Variants in TSHR observed in about 807,000 individuals in gnomAD.
The protein encoded by TSHR is thyroid stimulating hormone receptor, also known as thyrotropin receptor.
In TSHR, 51 loss-of-function variants were observed where a neutral mutation model predicts 64.1. The observed-to-expected ratio is 0.80, with a 90% CI of 0.64 to 1.01. The LOEUF is 1.01. Ranked by LOEUF, TSHR falls within the 50% of genes least tolerant of loss-of-function variation. The pLI is 0.00. For synonymous variants in TSHR, 361 were observed against 361.9 expected (o/e 1.00, Z 0.03); for missense variants, 877 against 942.8 (o/e 0.93, Z 0.91).
At chr14:81,088,525 T>TA (rs1566805388) in intron 4 of TSHR, among the ~76,000 whole-genome samples, 2 of 152,244 alleles carry the variant, frequency 1.3e-5, no homozygotes, top group Admixed American at 6.5e-5. Flanking sequence ...AAACACCTTA[T>TA]GAGCTAACCA....
chr14:81,109,593 A>G (rs1890135699), intron 8 of TSHR, among the ~76,000 whole-genome samples: 1 of 152,196 alleles, frequency 6.6e-6, no homozygotes, highest in South Asian at 2.1e-4. Flanking sequence ...ACTGTCCCTC[A>G]GGTGTCAGGT....
intron 7 of TSHR, 121 bp downstream of exon 7, chr14:81,096,828 A>G (rs1423297290): frequency 8.9e-7 from 1 of 1,123,584 alleles, no homozygotes. Flanking sequence ...AGTTAGTGTG[A>G]CCAACATGGA....
At chr14:81,026,734 T>C (rs890561614) in intron 1 of TSHR, among the ~76,000 whole-genome samples, 4 of 151,966 alleles carry the variant, frequency 2.6e-5, no homozygotes, top group African/African-American at 9.7e-5. Context: ...AATAAAAACA[T>C]CAAAGAAATA....
At chr14:81,009,911 G>A (rs1246808281) in intron 1 of TSHR, among the ~76,000 whole-genome samples, 3 of 151,908 alleles carry the variant, frequency 2.0e-5, no homozygotes, top group African/African-American at 7.3e-5. Flanking sequence ...AGGACTTGTT[G>A]GGTTGGAAGA....
intron 1 of TSHR, chr14:81,013,626 T>C (rs1890036540): frequency 1.3e-5 from 2 of 152,204 alleles, no homozygotes; most frequent in African/African-American, 4.8e-5. Context: ...TTATGAGCCA[T>C]GGGCTTTAGT....
chr14:80,956,421 C>T (rs1328573117), intron 1 of TSHR, among the ~76,000 whole-genome samples: 2 of 152,234 alleles, frequency 1.3e-5, no homozygotes, highest in African/African-American at 4.8e-5. Flanking sequence ...ACGTCCAGAA[C>T]CCTGCTTTGT....
intron 1 of TSHR, among the ~76,000 whole-genome samples, chr14:80,984,543 C>T (rs902424210): frequency 5.9e-5 from 9 of 152,174 alleles, no homozygotes; most frequent in Non-Finnish European, 8.8e-5. Context: ...AGGCAGGTGG[C>T]ATAGCTGTTT....
Position 81,144,087 on chromosome 14 carries a change from C to T in TSHR, c.2029C>T (p.Leu677Phe), listed in dbSNP as rs1891830678. 6.2e-7 allele frequency: 1 copy of T among 1,614,188 alleles called. No individual in the cohort carries two copies. Among genetic ancestry groups the T allele is most frequent in the Non-Finnish European group, 8.5e-7 (1 of 1,180,038 alleles). The change falls in exon 10 of 10, where the codon CTC becomes TTC. Residue 677 changes from leucine to phenylalanine, a missense_variant. Transcript: ENST00000298171. ...YPLNSCANPF[L>F]YAIFTKAFQR... ...ACTTAACTCCTGTGCCAATCCATTC[C>T]TCTATGCTATTTTCACCAAGGCCTT... is the stretch of plus-strand genomic sequence containing the variant.
chr14:81,114,229 G>T (rs569371558), intron 8 of TSHR, among the ~76,000 whole-genome samples: 1 of 152,002 alleles, frequency 6.6e-6, no homozygotes, highest in African/African-American at 2.4e-5. Flanking sequence ...CGTCAGCGAC[G>T]CAGAAGACGG....
chr14:81,076,453 T>C (rs1384019476), intron 3 of TSHR, among the ~76,000 whole-genome samples: 1 of 152,180 alleles, frequency 6.6e-6, no homozygotes, highest in Admixed American at 6.5e-5. Flanking sequence ...TACCTATTGG[T>C]CTACTTGACC....
At chr14:81,009,743 C>CTAGT in intron 1 of TSHR, among the ~76,000 whole-genome samples, 1 of 151,924 alleles carries the variant, frequency 6.6e-6, no homozygotes, top group South Asian at 2.1e-4. Flanking sequence ...AGTATTTTGT[C>CTAGT]ATGTAAATAA....
chr14:81,108,524 T>C (rs1348678291), intron 8 of TSHR, 72 bp downstream of exon 8: 3 of 1,002,746 alleles, frequency 3.0e-6, no homozygotes, highest in African/African-American at 3.6e-5. Flanking sequence ...AATGGAGACA[T>C]TAAGGGGAGA....
At chr14:81,009,111 A>C (rs1338466436) in intron 1 of TSHR, among the ~76,000 whole-genome samples, 1 of 152,228 alleles carries the variant, frequency 6.6e-6, no homozygotes, top group Non-Finnish European at 1.5e-5. Flanking sequence ...TATTAATAAT[A>C]ACTTCAGCTA....
intron 8 of TSHR, among the ~76,000 whole-genome samples, chr14:81,110,410 C>T (rs148339284): frequency 1.1e-4 from 17 of 152,262 alleles, no homozygotes; most frequent in African/African-American, 3.9e-4. Flanking sequence ...GGAAAGGCCA[C>T]GTGAGGCCAC....
At chr14:81,069,608 A>C (rs1886913260) in intron 3 of TSHR, among the ~76,000 whole-genome samples, 1 of 152,214 alleles carries the variant, frequency 6.6e-6, no homozygotes, top group African/African-American at 2.4e-5. Flanking sequence ...GGCATCTATT[A>C]GGGCTAGGAA....
At chr14:81,052,149 A>T (rs1246231877) in intron 1 of TSHR, 1 of 152,158 alleles carries the variant, frequency 6.6e-6, no homozygotes, top group Non-Finnish European at 1.5e-5. Flanking sequence ...CTTTTCTCCT[A>T]GTCTTCTCTT....
intron 1 of TSHR, among the ~76,000 whole-genome samples, chr14:81,038,776 G>C (rs1410510306): frequency 7.3e-6 from 1 of 136,428 alleles, no homozygotes; most frequent in African/African-American, 2.6e-5. Flanking sequence ...AAAAGAAATA[G>C]AAAAAATAAA....
intron 1 of TSHR, among the ~76,000 whole-genome samples, chr14:80,967,564 T>C (rs937933959): frequency 3.3e-5 from 5 of 152,112 alleles, no homozygotes; most frequent in Non-Finnish European, 5.9e-5. Flanking sequence ...GGATTACAAG[T>C]GTAAGCCACC....
chr14:81,125,367 T>A (rs1012459576), intron 8 of TSHR, among the ~76,000 whole-genome samples: 1 of 152,136 alleles, frequency 6.6e-6, no homozygotes, highest in African/African-American at 2.4e-5. Context: ...TGTGTTGAAA[T>A]CATATTATGG....
Sources: gnomAD v4.1 joint callset for allele counts (sites outside exome capture counted in the v4.1 genomes callset) on GRCh38, gnomAD v4.1.1 for gene constraint, MANE v1.5 for transcripts, NCBI Gene and HGNC (gene_info 2026-07-23, HGNC 2026-07-21) for gene names.